The following ACADM variants were observed in gnomAD, a reference collection of about 807,000 sequenced individuals.
ACADM encodes the protein medium-chain specific acyl-CoA dehydrogenase, mitochondrial.
ACADM carries 49 observed loss-of-function variants against 58.9 expected under a neutral mutation model. The ratio of observed to expected loss-of-function variants is 0.83; its 90% CI spans 0.66 to 1.06. The LOEUF is 1.06. Among genes scored for constraint, ACADM ranks in the 50% least tolerant of loss-of-function variants. The probability of loss-of-function intolerance (pLI) is 0.00; values close to 1 mark genes in which losing one functional copy is unlikely to be tolerated. For synonymous variants in ACADM, 160 were observed against 157.7 expected, an observed-to-expected ratio of 1.01 and a Z score of -0.11; for missense variants, 496 against 507.0, an observed-to-expected ratio of 0.98 and a Z score of 0.21.
At chr1:75,734,400 C>A (rs1347059294) in intron 5 of ACADM, among the ~76,000 whole-genome samples, 1 of 148,698 alleles carries the variant, frequency 6.7e-6, no homozygotes, top group Non-Finnish European at 1.5e-5. Flanking sequence ...TGGTCTCTAT[C>A]TCTTGACCTC....
At chr1:75,729,284 C>A (rs997663635) in intron 2 of ACADM, among the ~76,000 whole-genome samples, 2 of 70,928 alleles carry the variant, frequency 2.8e-5, no homozygotes, top group Admixed American at 1.4e-4. Flanking sequence ...CTTTTTCTTT[C>A]TTTCTTTTTT....
intron 1 of ACADM, among the ~76,000 whole-genome samples, chr1:75,728,176 A>G (rs1408026662): frequency 6.6e-6 from 1 of 152,258 alleles, no homozygotes; most frequent in African/African-American, 2.4e-5. Flanking sequence ...AATACCACTG[A>G]CTTTATTTTC....
Position 75,744,460 on chromosome 1 carries a change from A to G in ACADM, c.600-1346A>G, listed in dbSNP as rs777029177. The G allele has an allele frequency of 1.0e-4, 157 of 1,532,440 alleles. 1 individual carries two copies. Among genetic ancestry groups the G allele is most frequent in the Middle Eastern group, 8.6e-4 (5 of 5,844 alleles). 94.9% of individuals were successfully genotyped at this position (1,532,440 alleles called of 1,614,324 possible). On this transcript the variant is annotated intron_variant, in intron 7 of 11. Coordinates refer to ENST00000370841, the MANE Select transcript of ACADM (RefSeq NM_000016.6). The stretch of plus-strand genomic sequence containing the variant: ...CTGCACCAATGTCTTGTCAGTTTCA[A>G]TCTCACAAACCACTTCATCTTCTGC...
chr1:75,733,603 C>T lies in ACADM; in HGVS notation c.362C>T (p.Thr121Ile), dbSNP rs121434283. 9.3e-6 allele frequency: 15 copies of T among 1,613,892 alleles called. No homozygotes were observed. The Middle Eastern group carries it at 1.3e-3, about 142-fold the overall frequency. Residue 121 changes from threonine (T) to isoleucine (I), a missense_variant, in exon 5 of 12, where the codon ACT becomes ATT. Transcript: ENST00000370841. ...ELAYGCTGVQ[T>I]AIEGNSLGQM... is the part of the protein sequence containing the mutation. ...GCTTATGGATGTACAGGGGTTCAGA[C>T]TGCTATTGAAGGAAATTCTTTGGGG...
chr1:75,744,222 G>A (rs1647753805), intron 7 of ACADM: 1 of 1,578,070 alleles, frequency 6.3e-7, no homozygotes, highest in African/African-American at 1.3e-5. Flanking sequence ...GAGGGCACTG[G>A]TGGCATCGAG....
chr1:75,759,199 A>G (rs1308515690), intron 10 of ACADM, among the ~76,000 whole-genome samples: 1 of 151,996 alleles, frequency 6.6e-6, no homozygotes, highest in Non-Finnish European at 1.5e-5. Context: ...GAAGGAACCA[A>G]CTCTGGACAC....
Position 75,733,498 on chromosome 1 carries a change from A to G in ACADM, c.287-30A>G, listed in dbSNP as rs1419960228. The G allele has an allele frequency of 1.9e-6, 3 of 1,544,718 alleles. No homozygotes were observed. Among genetic ancestry groups the G allele is most frequent in the Non-Finnish European group, 2.7e-6 (3 of 1,117,006 alleles). Reference sequence around the variant, plus strand: ...TTTCTATTGTGATGTACTACATATTACAATGTGTTGAAACATTTTGATACT... The same window carrying G: ...TTTCTATTGTGATGTACTACATATTGCAATGTGTTGAAACATTTTGATACT... On this transcript the variant is annotated intron_variant, in intron 4 of 11. Coordinates refer to ENST00000370841, the MANE Select transcript of ACADM (RefSeq NM_000016.6).
At chr1:75,759,136 C>CT (rs1217752564) in intron 10 of ACADM, among the ~76,000 whole-genome samples, 1 of 152,066 alleles carries the variant, frequency 6.6e-6, no homozygotes. Context: ...AGCTGTAACA[C>CT]CGCGAAGGTC....
rs767921195 is a variant in ACADM at position 75,762,736 on chromosome 1, T to A, written c.1239T>A (p.Arg413=). The change falls in exon 12 of 12, where the codon CGT becomes CGA. Residue 413 remains arginine (R), a synonymous_variant. Transcript: ENST00000370841. ...TSQIQRLIVA[R]EHIDKYKN is the part of the protein sequence containing the mutation. ...AAATTCAAAGACTTATTGTAGCCCG[T>A]GAACACATTGACAAGTACAAAAATT... is the stretch of plus-strand genomic sequence containing the variant. The A allele has an allele frequency of 6.2e-7, 1 of 1,606,984 alleles. No homozygotes were observed. Among genetic ancestry groups the A allele is most frequent in the South Asian group, 1.1e-5 (1 of 90,702 alleles).
At chr1:75,758,889 C>T (rs1020147184) in intron 10 of ACADM, among the ~76,000 whole-genome samples, 1 of 152,210 alleles carries the variant, frequency 6.6e-6, no homozygotes, top group African/African-American at 2.4e-5. Context: ...GCCACCCCAG[C>T]CTGCAGCGGC....
chr1:75,728,542 ATGTTT>A (rs1454388372), intron 2 of ACADM, 54 bp downstream of exon 2: 1 of 1,222,390 alleles, frequency 8.2e-7, no homozygotes, highest in African/African-American at 3.5e-5. Flanking sequence ...GAAGCTTTAT[ATGTTT>A]TGTTTGGAAT....
intron 10 of ACADM, among the ~76,000 whole-genome samples, chr1:75,753,990 T>C (rs1648356434): frequency 6.7e-6 from 1 of 149,746 alleles, no homozygotes; most frequent in African/African-American, 2.5e-5. Context: ...GAAATGGGGT[T>C]TTGCCATGTT....
At chr1:75,733,146 C>G (rs535952185) in intron 4 of ACADM, 3 of 1,612,702 alleles carry the variant, frequency 1.9e-6, no homozygotes, top group Non-Finnish European at 1.7e-6. Flanking sequence ...GCACCTAAAC[C>G]TTGGTAACTT....
At chr1:75,758,813 CCAGCACTCTGTAAAATGGACCAAT>C (rs1202941751) in intron 10 of ACADM, among the ~76,000 whole-genome samples, 1 of 146,342 alleles carries the variant, frequency 6.8e-6, no homozygotes, top group Non-Finnish European at 1.5e-5. Context: ...AATGGACCAA[CCAGCACTCTGTAAAATGGACCAAT>C]CAGCAGGATA....
intron 1 of ACADM, 81 bp from the exon 2 acceptor site, chr1:75,728,320 C>G: frequency 8.8e-7 from 1 of 1,140,302 alleles, no homozygotes; most frequent in Non-Finnish European, 1.3e-6. Flanking sequence ...AGTTGCTGTA[C>G]TCACTTATGA....
chr1:75,756,468 C>A (rs1648513632), intron 10 of ACADM, among the ~76,000 whole-genome samples: 1 of 152,022 alleles, frequency 6.6e-6, no homozygotes, highest in Non-Finnish European at 1.5e-5. Flanking sequence ...ACAATTGCTT[C>A]AAAGAGAATA....
intron 10 of ACADM, among the ~76,000 whole-genome samples, chr1:75,758,953 CAATA>C (rs1648669169): frequency 1.3e-5 from 2 of 152,338 alleles, no homozygotes; most frequent in South Asian, 4.1e-4. Flanking sequence ...TTGCTCTTCA[CAATA>C]AATCTTGCTG....
In ACADM at chr1:75,734,484, A is replaced by G. The variant is rs71656849; in HGVS notation, c.388-307A>G. On this transcript the variant is annotated intron_variant, in intron 5 of 11. Transcript: ENST00000370841. ...GCCACTGCGCCCGGCCTAACAAGCA[A>G]TTCTTAGGCCTGATCATACATACTG... 0.038 allele frequency: 12,506 copies of G among 332,612 alleles called. 308 individuals carry two copies. Among genetic ancestry groups the G allele is most frequent in the Middle Eastern group, 0.047 (45 of 954 alleles). 20.6% of individuals were successfully genotyped at this position (332,612 alleles called of 1,614,324 possible).
intron 10 of ACADM, among the ~76,000 whole-genome samples, chr1:75,753,554 A>G (rs990552552): frequency 6.6e-6 from 1 of 151,914 alleles, no homozygotes; most frequent in African/African-American, 2.4e-5. Flanking sequence ...AAGATCTGTC[A>G]TCGTCTTCCA....
Sources: allele counts gnomAD v4.1 joint callset (sites outside exome capture counted in the v4.1 genomes callset), GRCh38; gene constraint gnomAD v4.1.1; transcripts MANE v1.5; gene names NCBI Gene and HGNC (gene_info 2026-07-23, HGNC 2026-07-21).